Variants in WWOX observed in about 807,000 individuals in gnomAD.
WWOX encodes WW domain containing oxidoreductase.
WWOX carries 69 observed loss-of-function variants against 46.2 expected under a neutral mutation model. The ratio of observed to expected loss-of-function variants is 1.49; its 90% CI spans 1.23 to 1.82. WWOX has a LOEUF of 1.82. Ranked by LOEUF, WWOX falls within the 40% of genes most tolerant of loss-of-function variation. The probability of loss-of-function intolerance (pLI) is 0.00; values close to 1 mark genes in which losing one functional copy is unlikely to be tolerated. For synonymous variants in WWOX, 359 were observed against 202.6 expected (o/e 1.77, Z -6.56); for missense variants, 919 against 542.6 (o/e 1.69, Z -6.89).
At chr16:79,211,429 T>TAGTC (rs1416007214) in intron 8 of WWOX, among the ~76,000 whole-genome samples, 179 bp from the exon 9 acceptor site, 1 of 152,218 alleles carries the variant, frequency 6.6e-6, no homozygotes, top group East Asian at 1.9e-4. Flanking sequence ...TTTTCCAGGA[T>TAGTC]AGTCACATTA....
At chr16:78,242,186 T>G (rs1483379194) in intron 5 of WWOX, among the ~76,000 whole-genome samples, 1 of 152,256 alleles carries the variant, frequency 6.6e-6, no homozygotes, top group Admixed American at 6.5e-5. Flanking sequence ...CTCTCCATTT[T>G]CTTTAATGGG....
Position 78,741,130 on chromosome 16 carries a change from G to A in WWOX, c.1056+308378G>A, listed in dbSNP as rs142238562. On this transcript the variant is annotated intron_variant, in intron 8 of 8. Coordinates refer to ENST00000566780, the MANE Select transcript of WWOX (RefSeq NM_016373.4). ...CCTGTTAGGTTAGGAACTGCCTAGC[G>A]CCACTTCACACTGCAGTAGGAGAGT... is the stretch of plus-strand genomic sequence containing the variant. Among the ~76,000 whole-genome samples the A allele has an allele frequency of 1.5e-4, 23 of 152,230 alleles. No homozygotes were observed. The East Asian group carries it at 3.9e-3, about 26-fold the overall frequency.
intron 6 of WWOX, among the ~76,000 whole-genome samples, chr16:78,392,844 C>G (rs1267279493): frequency 6.6e-6 from 1 of 152,108 alleles, no homozygotes; most frequent in Non-Finnish European, 1.5e-5. Flanking sequence ...ACTCCTCTGC[C>G]CACTCTCTGT....
At chr16:79,003,437 A>C (rs561264105) in intron 8 of WWOX, among the ~76,000 whole-genome samples, 1 of 152,300 alleles carries the variant, frequency 6.6e-6, no homozygotes, top group African/African-American at 2.4e-5. Flanking sequence ...CTGAGTAACA[A>C]GGTGTACCCC....
intron 8 of WWOX, among the ~76,000 whole-genome samples, chr16:78,635,828 A>G (rs2046553666): frequency 6.6e-6 from 1 of 152,166 alleles, no homozygotes; most frequent in Non-Finnish European, 1.5e-5. Context: ...AAATCTCAGA[A>G]GTTGGCGTTT....
chr16:78,564,585 A>G (rs2044519612), intron 8 of WWOX, among the ~76,000 whole-genome samples: 1 of 152,134 alleles, frequency 6.6e-6, no homozygotes, highest in Non-Finnish European at 1.5e-5. Context: ...ATATCAAGAA[A>G]AGATCATTTC....
intron 8 of WWOX, among the ~76,000 whole-genome samples, chr16:78,831,999 G>C (rs1308464190): frequency 2.0e-5 from 3 of 152,276 alleles, no homozygotes; most frequent in South Asian, 2.1e-4. Context: ...TCACTACCTA[G>C]GTATCTGCAA....
rs1352673760 is a variant in WWOX, at chr16:78,887,087, T to A, written c.1057-324521T>A. Among the ~76,000 whole-genome samples the A allele has an allele frequency of 2.4e-4, 4 of 16,642 alleles. No individual in the cohort carries two copies. In the Non-Finnish European group the frequency reaches 2.8e-3, roughly 12 times the overall value. The allele number at this position is 16,642 out of a possible 152,430, so 10.9% of individuals were successfully genotyped here. A position where few individuals can be genotyped will look rare whatever the true frequency, so the allele number is the denominator to read the frequency against. ...TATGTGTGTGTGTGTGGTGTGTGTG[T>A]GTGTGTGTGTGTGTGTGTGTGTGTG... is the stretch of plus-strand genomic sequence containing the variant. On this transcript the variant is annotated intron_variant, in intron 8 of 8. Transcript: ENST00000566780.
intron 8 of WWOX, among the ~76,000 whole-genome samples, chr16:79,177,251 C>T (rs1014571225): frequency 5.9e-5 from 9 of 152,082 alleles, no homozygotes; most frequent in South Asian, 2.1e-4. Flanking sequence ...CCGTTGTGGC[C>T]GACTGAAAAG....
At chr16:79,024,915 G>C (rs924357804) in intron 8 of WWOX, among the ~76,000 whole-genome samples, 1 of 152,218 alleles carries the variant, frequency 6.6e-6, no homozygotes, top group Non-Finnish European at 1.5e-5. Context: ...GGCTGGTGAA[G>C]AAACACGTGA....
chr16:79,052,662 C>G (rs1292949132), intron 8 of WWOX, among the ~76,000 whole-genome samples: 1 of 152,178 alleles, frequency 6.6e-6, no homozygotes, highest in Non-Finnish European at 1.5e-5. Context: ...AAACCGGACA[C>G]AGCAGTAGAG....
At position 78,627,102 on chromosome 16, in the gene WWOX, ATTC is replaced by A. The variant is rs1403856247; in HGVS notation, c.1056+194356_1056+194358del. Among the ~76,000 whole-genome samples the A allele has an allele frequency of 2.4e-4, 37 of 152,156 alleles. No individual in the cohort carries two copies. The East Asian group carries it at 3.9e-3, about 16-fold the overall frequency. On this transcript the variant is annotated intron_variant, in intron 8 of 8. Coordinates refer to ENST00000566780, the MANE Select transcript of WWOX (RefSeq NM_016373.4). ...CTATAATTTCTGGAATCTCAGCCAT[ATTC>A]TTCTTTTTTTTGTTTTAAATAAAAA... is the stretch of plus-strand genomic sequence containing the variant.
chr16:79,167,977 G>T (rs1362065398), intron 8 of WWOX, among the ~76,000 whole-genome samples: 2 of 152,140 alleles, frequency 1.3e-5, no homozygotes, highest in Non-Finnish European at 2.9e-5. Flanking sequence ...AGGAATCAAA[G>T]AATATGTGAC....
chr16:78,891,078 C>T (rs1382835012), intron 8 of WWOX: 2 of 152,094 alleles, frequency 1.3e-5, no homozygotes, highest in Admixed American at 1.3e-4. Context: ...AAAAAGTGAT[C>T]CTGGATGAAT....
At chr16:78,356,186 CAAAAT>C (rs1249234206) in intron 5 of WWOX, among the ~76,000 whole-genome samples, 2 of 149,020 alleles carry the variant, frequency 1.3e-5, no homozygotes, top group Non-Finnish European at 3.0e-5. Context: ...GACTCTGTCT[CAAAAT>C]AAATAAATAA....
At chr16:79,007,823 A>G (rs910229068) in intron 8 of WWOX, among the ~76,000 whole-genome samples, 6 of 152,332 alleles carry the variant, frequency 3.9e-5, no homozygotes, top group Admixed American at 2.6e-4. Flanking sequence ...GAAAGTAATC[A>G]TCATAACCTC....
rs1013368791 is a variant in WWOX at position 78,347,203 on chromosome 16, G to A, written c.517-39657G>A. Among the ~76,000 whole-genome samples, 9 of 104,284 alleles carry A rather than the reference G, an allele frequency of 8.6e-5. 3 individuals carry two copies. The highest frequency in any genetic ancestry group is 2.0e-4 in the Admixed American group (2 of 10,210). 68.4% of individuals were successfully genotyped at this position (104,284 alleles called of 152,430 possible). The stretch of plus-strand genomic sequence containing the variant: ...CTCTTTCTAATTATCTCCTTCCCCC[G>A]CCCCCTCCATTCTCTTTCCATCCTT... On this transcript the variant is annotated intron_variant, in intron 5 of 8. Coordinates refer to ENST00000566780, the MANE Select transcript of WWOX (RefSeq NM_016373.4).
chr16:78,440,203 C>T (rs549936676), intron 8 of WWOX, among the ~76,000 whole-genome samples: 6 of 152,110 alleles, frequency 3.9e-5, no homozygotes, highest in African/African-American at 7.2e-5. Context: ...GAAATGCTAT[C>T]GATTTTATAG....
chr16:78,475,752 C>T (rs1180089685), intron 8 of WWOX, among the ~76,000 whole-genome samples: 1 of 152,128 alleles, frequency 6.6e-6, no homozygotes, highest in African/African-American at 2.4e-5. Flanking sequence ...TGTGCCACCA[C>T]ACCGGCTAAT....
Sources: allele counts gnomAD v4.1 joint callset (sites outside exome capture counted in the v4.1 genomes callset), GRCh38; gene constraint gnomAD v4.1.1; transcripts MANE v1.5; gene names NCBI Gene and HGNC (gene_info 2026-07-23, HGNC 2026-07-21).